The following FUT8 variants were observed in gnomAD, a reference collection of about 807,000 sequenced individuals.
FUT8 encodes the protein alpha-(1,6)-fucosyltransferase.
A neutral mutation model predicts 71.3 loss-of-function variants in FUT8; 29 were observed. The ratio of observed to expected loss-of-function variants is 0.41; its 90% CI spans 0.30 to 0.55. The LOEUF (loss-of-function observed/expected upper bound fraction) is 0.55, where lower values mean the gene tolerates loss of function less well. Ranked by LOEUF, FUT8 falls within the 20% of genes least tolerant of loss-of-function variation. FUT8 has a pLI of 0.34. For missense variants in FUT8, 544 were observed against 702.1 expected, an observed-to-expected ratio of 0.77 and a Z score of 2.55; for synonymous variants, 254 against 239.3, an observed-to-expected ratio of 1.06 and a Z score of -0.57.
At chr14:65,563,209 A>C (rs186487400) in intron 3 of FUT8, among the ~76,000 whole-genome samples, 2 of 152,120 alleles carry the variant, frequency 1.3e-5, no homozygotes, top group Admixed American at 1.3e-4. Context: ...GTGATCTTTC[A>C]GTAGAGTCTT....
rs996631343 is a variant in FUT8, at chr14:65,439,893, T to C, written c.-325-15728T>C. Among the ~76,000 whole-genome samples, 22 of 146,812 alleles carry C rather than the reference T, an allele frequency of 1.5e-4. No individual in the cohort carries two copies. The Admixed American group carries it at 1.5e-3, about 10-fold the overall frequency. Reference sequence around the variant, plus strand: ...AGCATTATTTGCCATAGCTAAGATATAGAATCAACCTAAGTGTTCATCAAC... The same window carrying C: ...AGCATTATTTGCCATAGCTAAGATACAGAATCAACCTAAGTGTTCATCAAC... On this transcript the variant is annotated intron_variant, in intron 1 of 10. Transcript: ENST00000673929.
Position 65,640,970 on chromosome 14 carries a change from C to T in FUT8, c.597+11364C>T, listed in dbSNP as rs1890797610. 2.6e-5 allele frequency among the ~76,000 whole-genome samples: 4 copies of T among 152,244 alleles called. No individual in the cohort carries two copies. In the South Asian group the frequency reaches 8.3e-4, roughly 32 times the overall value. On this transcript the variant is annotated intron_variant, in intron 6 of 10. Coordinates refer to ENST00000673929, the MANE Select transcript of FUT8 (RefSeq NM_001371533.1). ...TTAAACTCAAGGGTAATCTCTTTATCATTTGGCAGTAGTTTCTTTTTCTTT... is the reference window on the plus strand; with the variant it reads ...TTAAACTCAAGGGTAATCTCTTTATTATTTGGCAGTAGTTTCTTTTTCTTT...
chr14:65,511,923 T>C (rs1274348783), intron 2 of FUT8, among the ~76,000 whole-genome samples: 2 of 152,162 alleles, frequency 1.3e-5, no homozygotes, highest in South Asian at 2.1e-4. Flanking sequence ...CAAGGACTTA[T>C]TCCTGCCATT....
chr14:65,376,732 A>AT, the FUT8 span, among the ~76,000 whole-genome samples: 166 of 152,124 alleles, frequency 1.1e-3, no homozygotes, highest in Non-Finnish European at 2.0e-3. Flanking sequence ...AAAAGCACTG[A>AT]TTTTTTTTCT....
At chr14:65,644,911 C>T (rs925030566) in intron 6 of FUT8, among the ~76,000 whole-genome samples, 1 of 152,076 alleles carries the variant, frequency 6.6e-6, no homozygotes, top group East Asian at 1.9e-4. Context: ...CTTTCTTGCC[C>T]TTAGGGACAC....
At chr14:65,386,758 A>AT in the FUT8 span, among the ~76,000 whole-genome samples, 1 of 138,398 alleles carries the variant, frequency 7.2e-6, no homozygotes, top group South Asian at 2.4e-4. Context: ...ATGCCTGGTA[A>AT]TTTTTTCTTG....
intron 1 of FUT8, among the ~76,000 whole-genome samples, chr14:65,416,733 T>A (rs1351709667): frequency 6.6e-6 from 1 of 151,886 alleles, no homozygotes; most frequent in African/African-American, 2.4e-5. Flanking sequence ...GAATATTATA[T>A]GGGGATGTGT....
chr14:65,569,163 C>G (rs1886350585), intron 3 of FUT8, among the ~76,000 whole-genome samples: 1 of 151,480 alleles, frequency 6.6e-6, no homozygotes, highest in Non-Finnish European at 1.5e-5. Flanking sequence ...GTGTTAAGCA[C>G]TTGACTATGA....
chr14:65,695,040 TAATA>T (rs900228605), intron 7 of FUT8, among the ~76,000 whole-genome samples: 1 of 152,126 alleles, frequency 6.6e-6, no homozygotes, highest in Admixed American at 6.5e-5. Flanking sequence ...ACTTAGAGTA[TAATA>T]AATAAATAAA....
chr14:65,615,787 A>G (rs1889248814), intron 3 of FUT8, among the ~76,000 whole-genome samples, 191 bp from the exon 4 acceptor site: 1 of 152,126 alleles, frequency 6.6e-6, no homozygotes. Flanking sequence ...ATTTTTCGTT[A>G]TTATCATTTC....
At chr14:65,717,955 T>C (rs563952692) in intron 7 of FUT8, among the ~76,000 whole-genome samples, 1 of 152,348 alleles carries the variant, frequency 6.6e-6, no homozygotes, top group East Asian at 1.9e-4. Flanking sequence ...TGTGTGTCTT[T>C]ATAGGTGAAG....
intron 2 of FUT8, among the ~76,000 whole-genome samples, chr14:65,491,416 T>A (rs568501200): frequency 6.6e-6 from 1 of 152,310 alleles, no homozygotes; most frequent in Admixed American, 6.5e-5. Flanking sequence ...ACTGATTGCT[T>A]GTTTCAAGTA....
chr14:65,589,092 C>T (rs1887544805), intron 3 of FUT8, among the ~76,000 whole-genome samples: 3 of 152,150 alleles, frequency 2.0e-5, no homozygotes, highest in Non-Finnish European at 2.9e-5. Flanking sequence ...TTCAGTGTTA[C>T]ACAAAAGACA....
chr14:65,650,707 C>CAAAAAAAAAAAAAAATAAAAAAAAAAA (rs1891352089), intron 6 of FUT8, among the ~76,000 whole-genome samples: 1 of 118,974 alleles, frequency 8.4e-6, no homozygotes, highest in African/African-American at 3.4e-5. Flanking sequence ...CTGCTAATTA[C>CAAAAAAAAAAAAAAATAAAAAAAAAAA]AAAAAAAAAA....
intron 6 of FUT8, among the ~76,000 whole-genome samples, chr14:65,645,270 G>A (rs1303733056): frequency 6.6e-6 from 1 of 152,114 alleles, no homozygotes; most frequent in Non-Finnish European, 1.5e-5. Flanking sequence ...GTATAAAGCT[G>A]ACAAATGCCA....
At chr14:65,711,552 A>G (rs1894812826) in intron 7 of FUT8, among the ~76,000 whole-genome samples, 1 of 152,098 alleles carries the variant, frequency 6.6e-6, no homozygotes, top group African/African-American at 2.4e-5. Context: ...ACATGCATGT[A>G]CTATATTTCT....
intron 2 of FUT8, among the ~76,000 whole-genome samples, chr14:65,485,707 G>A (rs1001571017): frequency 1.0e-3 from 152 of 152,290 alleles, no homozygotes; most frequent in African/African-American, 3.5e-3. Flanking sequence ...TTTGTTCTCT[G>A]CGTAGCCACC....
intron 1 of FUT8, among the ~76,000 whole-genome samples, chr14:65,447,504 A>T (rs1437034849): frequency 6.6e-6 from 1 of 152,116 alleles, no homozygotes; most frequent in Non-Finnish European, 1.5e-5. Flanking sequence ...TTGACAAAAG[A>T]TTAAATTAAA....
chr14:65,496,405 C>G (rs953475534), intron 2 of FUT8, among the ~76,000 whole-genome samples: 1 of 152,108 alleles, frequency 6.6e-6, no homozygotes, highest in African/African-American at 2.4e-5. Flanking sequence ...TATGGTTAGA[C>G]TTTGTCTCCT....
Sources: allele counts gnomAD v4.1 joint callset (sites outside exome capture counted in the v4.1 genomes callset), GRCh38; gene constraint gnomAD v4.1.1; transcripts MANE v1.5; gene names NCBI Gene and HGNC (gene_info 2026-07-23, HGNC 2026-07-21).